STXBP5L: variants seen among roughly 807,000 people sequenced by gnomAD.
STXBP5L encodes the protein syntaxin binding protein 5L.
A neutral mutation model predicts 144.5 loss-of-function variants in STXBP5L; 65 were observed. The observed-to-expected ratio is 0.45, with a 90% CI of 0.37 to 0.55. The LOEUF (loss-of-function observed/expected upper bound fraction) is 0.55. STXBP5L is among the 20% of genes least tolerant of loss of function. The pLI, the probability that STXBP5L is intolerant of heterozygous loss-of-function variation, is 0.00. For missense variants in STXBP5L, 1,298 were observed against 1,405.5 expected (o/e 0.92, Z 1.22); for synonymous variants, 505 against 469.6 (o/e 1.08, Z -0.97).
intron 23 of STXBP5L, among the ~76,000 whole-genome samples, chr3:121,411,324 A>G (rs2047110303): frequency 6.6e-6 from 1 of 152,040 alleles, no homozygotes; most frequent in Non-Finnish European, 1.5e-5. Context: ...ATAGTTACAA[A>G]CCACTTTGAT....
At chr3:121,226,048 C>T (rs566880171) in intron 11 of STXBP5L, among the ~76,000 whole-genome samples, 7 of 152,216 alleles carry the variant, frequency 4.6e-5, no homozygotes, top group East Asian at 1.9e-4. Flanking sequence ...ATATTGTTGC[C>T]GTGCCTCAAA....
intron 5 of STXBP5L, among the ~76,000 whole-genome samples, chr3:121,093,137 G>A (rs146863353): frequency 0.099 from 15,105 of 152,212 alleles, 1,176 homozygotes; most frequent in Admixed American, 0.2. Flanking sequence ...TGATCATGGT[G>A]GAGAAGCTTT....
At chr3:121,318,239 C>T (rs546419943) in intron 19 of STXBP5L, among the ~76,000 whole-genome samples, 2 of 152,044 alleles carry the variant, frequency 1.3e-5, no homozygotes, top group African/African-American at 4.8e-5. Flanking sequence ...GGGAGTATTG[C>T]TTCAGCCCAG....
chr3:120,915,359 G>A (rs1387725823), intron 2 of STXBP5L, among the ~76,000 whole-genome samples: 1 of 152,104 alleles, frequency 6.6e-6, no homozygotes, highest in Admixed American at 6.5e-5. Flanking sequence ...ATAATAGGAT[G>A]ATTGTACTGA....
At chr3:120,972,001 G>A (rs995769124) in intron 3 of STXBP5L, among the ~76,000 whole-genome samples, 1 of 151,884 alleles carries the variant, frequency 6.6e-6, no homozygotes, top group Non-Finnish European at 1.5e-5. Context: ...GACAAACGGG[G>A]AATGTGATGT....
chr3:121,041,605 A>T (rs1947160113), intron 3 of STXBP5L, 95 bp from the exon 4 acceptor site: 4 of 925,664 alleles, frequency 4.3e-6, no homozygotes. Context: ...GGGAAACCAA[A>T]TAGCAAAACA....
chr3:121,072,662 C>T (rs1481072419), intron 5 of STXBP5L, among the ~76,000 whole-genome samples: 1 of 152,150 alleles, frequency 6.6e-6, no homozygotes, highest in Admixed American at 6.5e-5. Context: ...GTAAGGGTTT[C>T]CTTTTCCTTC....
chr3:121,227,621 T>C (rs2049161346), intron 11 of STXBP5L, among the ~76,000 whole-genome samples: 1 of 152,106 alleles, frequency 6.6e-6, no homozygotes, highest in South Asian at 2.1e-4. Context: ...AATTTTGGAC[T>C]ATAGCCCATT....
intron 9 of STXBP5L, among the ~76,000 whole-genome samples, chr3:121,195,175 C>T (rs113447294): frequency 3.9e-5 from 6 of 152,110 alleles, no homozygotes; most frequent in African/African-American, 4.8e-5. Flanking sequence ...CTGCCCACCT[C>T]GGCTTCCCAA....
intron 3 of STXBP5L, among the ~76,000 whole-genome samples, chr3:121,016,872 A>G (rs1168931426): frequency 2.6e-5 from 4 of 152,230 alleles, no homozygotes; most frequent in Non-Finnish European, 5.9e-5. Flanking sequence ...GGAAAAAATT[A>G]TATCAGTTCT....
intron 12 of STXBP5L, among the ~76,000 whole-genome samples, chr3:121,237,423 C>T (rs919891311): frequency 5.3e-5 from 8 of 152,326 alleles, no homozygotes; most frequent in African/African-American, 1.9e-4. Context: ...GCCTGTCCCC[C>T]AAAACCATTC....
At chr3:120,995,307 C>T (rs879792109) in intron 3 of STXBP5L, among the ~76,000 whole-genome samples, 2 of 152,124 alleles carry the variant, frequency 1.3e-5, no homozygotes, top group South Asian at 4.1e-4. Context: ...TCCACCATGC[C>T]TGGCTAATTT....
chr3:121,360,016 A>ATATATATATTATTACTATATAATAT (rs1491371044), intron 20 of STXBP5L, among the ~76,000 whole-genome samples: 1 of 144,876 alleles, frequency 6.9e-6, no homozygotes, highest in African/African-American at 2.6e-5. Context: ...ATATAATATA[A>ATATATATATTATTACTATATAATAT]TATATATATT....
intron 5 of STXBP5L, among the ~76,000 whole-genome samples, chr3:121,061,971 G>A (rs2041304937): frequency 6.6e-6 from 1 of 152,182 alleles, no homozygotes; most frequent in Admixed American, 6.5e-5. Context: ...TACAATTAAG[G>A]TTAATATTGT....
At chr3:121,280,874 A>G (rs2051035311) in intron 19 of STXBP5L, among the ~76,000 whole-genome samples, 6 of 151,430 alleles carry the variant, frequency 4.0e-5, no homozygotes, top group Admixed American at 3.3e-4. Flanking sequence ...CCAGTAATTC[A>G]AGACCAGTCT....
intron 3 of STXBP5L, among the ~76,000 whole-genome samples, chr3:120,982,013 G>C (rs1941825220): frequency 6.6e-6 from 1 of 152,144 alleles, no homozygotes; most frequent in Admixed American, 6.6e-5. Flanking sequence ...CTGGGTATTT[G>C]AGCAGGCTAA....
chr3:121,224,070 T>A (rs2049049373), intron 11 of STXBP5L, among the ~76,000 whole-genome samples: 1 of 152,166 alleles, frequency 6.6e-6, no homozygotes, highest in African/African-American at 2.4e-5. Context: ...TATGCAGATA[T>A]AAGAGAAAGA....
Position 121,381,385 on chromosome 3 carries a change from A to T in STXBP5L, c.2440A>T (p.Met814Leu). 6.2e-7 allele frequency: 1 copy of T among 1,611,596 alleles called. No homozygotes were observed. ...SKEAITALYF[M>L]DSFARKNDST... ...AGAAGCAATTACAGCACTATACTTC[A>T]TGGACTCCTTTGCACGGAAAAATGA... The change falls in exon 22 of 27, where the codon ATG (methionine) becomes TTG (leucine). Residue 814 changes from methionine (M) to leucine (L), a missense_variant. Transcript: ENST00000471454.
chr3:121,013,121 A>G (rs1057428165), intron 3 of STXBP5L, among the ~76,000 whole-genome samples: 7 of 151,850 alleles, frequency 4.6e-5, no homozygotes, highest in Non-Finnish European at 8.8e-5. Context: ...GGTTGATTCC[A>G]TGTTCTTGCT....
Sources: gnomAD v4.1 joint callset for allele counts (sites outside exome capture counted in the v4.1 genomes callset) on GRCh38, gnomAD v4.1.1 for gene constraint, MANE v1.5 for transcripts, NCBI Gene and HGNC (gene_info 2026-07-23, HGNC 2026-07-21) for gene names.